The following SLC12A7 variants were observed in gnomAD, a reference collection of about 807,000 sequenced individuals.
SLC12A7 encodes solute carrier family 12 member 7, also known as K-Cl cotransporter 4.
Under a neutral mutation model 120.6 loss-of-function variants are expected in SLC12A7, and 100 were observed. That is an observed-to-expected ratio of 0.83 (90% CI 0.71 to 0.98). SLC12A7 has a LOEUF of 0.98. Ranked by LOEUF, SLC12A7 falls within the 50% of genes least tolerant of loss-of-function variation. The pLI, the probability that SLC12A7 is intolerant of heterozygous loss-of-function variation, is 0.00. For synonymous variants in SLC12A7, 760 were observed against 678.0 expected (o/e 1.12, Z -1.88); for missense variants, 1,373 against 1,548.1 (o/e 0.89, Z 1.90).
intron 21 of SLC12A7, among the ~76,000 whole-genome samples, chr5:1,059,245 C>T (rs1364124255): frequency 1.3e-5 from 2 of 152,222 alleles, no homozygotes; most frequent in Non-Finnish European, 1.5e-5. Context: ...CTGACCTGCC[C>T]GGGGTCTGGG....
chr5:1,128,113 G>T, the SLC12A7 span, among the ~76,000 whole-genome samples: 1 of 152,236 alleles, frequency 6.6e-6, no homozygotes, highest in East Asian at 1.9e-4. Context: ...TGAGGAAACA[G>T]ATCTCATCCT....
At position 1,093,972 on chromosome 5, in the gene SLC12A7, G is replaced by A. The variant is rs182861866; in HGVS notation, c.219+182C>T. Among the ~76,000 whole-genome samples the A allele has an allele frequency of 9.9e-5, 15 of 152,154 alleles. No homozygotes were observed. In the East Asian group the frequency reaches 2.5e-3, roughly 26 times the overall value. ...CCAGAAGGCACCAGCCGAGGAGCAC[G>A]TCCCAGCTCAAGTGCGGGACTGGGC... is the stretch of plus-strand genomic sequence containing the variant. On this transcript the variant is annotated intron_variant, in intron 2 of 23. Coordinates refer to ENST00000264930, the MANE Select transcript of SLC12A7 (RefSeq NM_006598.3).
At chr5:1,152,270 G>T in the SLC12A7 span, among the ~76,000 whole-genome samples, 1 of 152,226 alleles carries the variant, frequency 6.6e-6, no homozygotes, top group Non-Finnish European at 1.5e-5. Flanking sequence ...TTGTGCCCAC[G>T]GAAGATGCCA....
intron 1 of SLC12A7, among the ~76,000 whole-genome samples, chr5:1,098,911 T>G (rs186167304): frequency 1.3e-5 from 2 of 151,744 alleles, no homozygotes; most frequent in Admixed American, 6.6e-5. Flanking sequence ...TGCCTGTGTT[T>G]TGGGGATAGA....
At chr5:1,112,324 A>G (rs1579452634), upstream of SLC12A7, among the ~76,000 whole-genome samples, 1 of 15,076 alleles carries the variant, frequency 6.6e-5, no homozygotes, top group Non-Finnish European at 1.1e-4. Context: ...CTCCTGCTGG[A>G]ACTCCCCGCC....
the SLC12A7 span, among the ~76,000 whole-genome samples, chr5:1,136,453 C>T: frequency 7.8e-6 from 1 of 128,102 alleles, no homozygotes; most frequent in East Asian, 2.2e-4. Context: ...CACCAGGACA[C>T]GCAGGCACAC....
chr5:1,060,740 C>G (rs1005744753), intron 20 of SLC12A7, among the ~76,000 whole-genome samples: 2 of 152,222 alleles, frequency 1.3e-5, no homozygotes, highest in African/African-American at 4.8e-5. Flanking sequence ...ACAAACCAAC[C>G]TGGCACACAC....
At chr5:1,096,866 AAGGGAGGG>A (rs1228539184) in intron 1 of SLC12A7, among the ~76,000 whole-genome samples, 2 of 57,502 alleles carry the variant, frequency 3.5e-5, no homozygotes, top group African/African-American at 1.6e-4. Context: ...GGGAGGGATG[AAGGGAGGG>A]AGGGAGGGAA....
chr5:1,134,131 C>T, the SLC12A7 span, among the ~76,000 whole-genome samples: 1 of 152,190 alleles, frequency 6.6e-6, no homozygotes. Context: ...GTGGCTCTCC[C>T]AGCTCCAGCT....
the SLC12A7 span, among the ~76,000 whole-genome samples, chr5:1,138,053 C>G: frequency 5.3e-5 from 8 of 152,214 alleles, no homozygotes; most frequent in Non-Finnish European, 8.8e-5. Flanking sequence ...ACGCTGTGTC[C>G]AGAGTTGGTT....
rs1235155474 is a variant in SLC12A7, at chr5:1,073,836, A to G, written c.2073-35T>C. The G allele has an allele frequency of 2.2e-6, 3 of 1,380,406 alleles. No individual in the cohort carries two copies. The Admixed American group carries it at 8.4e-5, about 38-fold the overall frequency. The allele number at this position is 1,380,406 out of a possible 1,614,324, so 85.5% of individuals were successfully genotyped here. On this transcript the variant is annotated intron_variant, in intron 16 of 23. Coordinates refer to ENST00000264930, the MANE Select transcript of SLC12A7 (RefSeq NM_006598.3). ...GGGTGGGGCGGCTGTTACCACGGCA[A>G]CGCTTACCAGGGCACGGCCCATCAA...
At chr5:1,118,699 G>T in the SLC12A7 span, among the ~76,000 whole-genome samples, 2 of 152,238 alleles carry the variant, frequency 1.3e-5, no homozygotes, top group Non-Finnish European at 2.9e-5. Flanking sequence ...CAGAGAGCCT[G>T]GTCTCACCCA....
intron 1 of SLC12A7, among the ~76,000 whole-genome samples, chr5:1,108,333 G>A (rs1048886549): frequency 2.6e-5 from 4 of 152,368 alleles, no homozygotes; most frequent in South Asian, 2.1e-4. Flanking sequence ...CAGCCACGGC[G>A]TTCCTGTGTA....
At chr5:1,106,954 G>A (rs532969221) in intron 1 of SLC12A7, among the ~76,000 whole-genome samples, 2 of 152,300 alleles carry the variant, frequency 1.3e-5, no homozygotes, top group South Asian at 2.1e-4. Context: ...TGCTCTGCTC[G>A]CCGGAGGCAA....
At chr5:1,138,596 C>T in the SLC12A7 span, among the ~76,000 whole-genome samples, 429 of 152,342 alleles carry the variant, frequency 2.8e-3, no homozygotes, top group African/African-American at 9.3e-3. Flanking sequence ...AGCCCGCTCA[C>T]ATAAACTGGG....
the SLC12A7 span, among the ~76,000 whole-genome samples, chr5:1,149,035 A>G: frequency 1.3e-5 from 2 of 150,380 alleles, no homozygotes; most frequent in African/African-American, 5.0e-5. Context: ...GGTTGCTTCC[A>G]CCTGTGTCTA....
intron 3 of SLC12A7, 35 bp downstream of exon 3, chr5:1,093,498 C>CGGGGACTGGGCG (rs1554020788): frequency 2.1e-5 from 27 of 1,290,126 alleles, no homozygotes; most frequent in Non-Finnish European, 2.9e-5. Context: ...ACACACGGGG[C>CGGGGACTGGGCG]GGGGACTGGG....
At chr5:1,148,232 C>T in the SLC12A7 span, among the ~76,000 whole-genome samples, 4 of 106,390 alleles carry the variant, frequency 3.8e-5, no homozygotes, top group South Asian at 3.0e-4. Flanking sequence ...TTTGAGATGG[C>T]GTCTCGCTCT....
rs1738418941 is a variant in SLC12A7, at chr5:1,076,952, A to G, written c.1630-140T>C. 1.7e-5 allele frequency: 11 copies of G among 660,188 alleles called. 1 individual carries two copies. The Admixed American group carries it at 1.8e-4, about 11-fold the overall frequency. 40.9% of individuals were successfully genotyped at this position (660,188 alleles called of 1,614,324 possible). A position where few individuals can be genotyped will look rare whatever the true frequency, so the allele number is the denominator to read the frequency against. On this transcript the variant is annotated intron_variant, in intron 12 of 23. Coordinates refer to ENST00000264930, the MANE Select transcript of SLC12A7 (RefSeq NM_006598.3). ...GCCTTTCACAGTAGGTCCCCGGGACATCACGCGGCTGGCCTGGGAAGAAGC... is the reference window on the plus strand; with the variant it reads ...GCCTTTCACAGTAGGTCCCCGGGACGTCACGCGGCTGGCCTGGGAAGAAGC...
Sources: allele counts gnomAD v4.1 joint callset (sites outside exome capture counted in the v4.1 genomes callset), GRCh38; gene constraint gnomAD v4.1.1; transcripts MANE v1.5; gene names NCBI Gene and HGNC (gene_info 2026-07-23, HGNC 2026-07-21).